The following CTTNBP2 variants were observed in gnomAD, a reference collection of about 807,000 sequenced individuals.
CTTNBP2 encodes the protein cortactin binding protein 2.
Under a neutral mutation model 156.9 loss-of-function variants are expected in CTTNBP2, and 108 were observed. The observed-to-expected ratio is 0.69, with a 90% CI of 0.59 to 0.81. The LOEUF (loss-of-function observed/expected upper bound fraction) is 0.81. CTTNBP2 is among the 30% of genes least tolerant of loss of function. The pLI is 0.00. For synonymous variants in CTTNBP2, 767 were observed against 751.8 expected, an observed-to-expected ratio of 1.02 and a Z score of -0.33; for missense variants, 1,924 against 2,035.4, an observed-to-expected ratio of 0.95 and a Z score of 1.05.
At chr7:117,819,906 A>G (rs1203163619) in intron 2 of CTTNBP2, among the ~76,000 whole-genome samples, 1 of 152,252 alleles carries the variant, frequency 6.6e-6, no homozygotes, top group African/African-American at 2.4e-5. Flanking sequence ...AAAATCTGGA[A>G]GGCATACTTC....
chr7:117,729,950 G>C (rs756995774), intron 16 of CTTNBP2, among the ~76,000 whole-genome samples: 1 of 152,158 alleles, frequency 6.6e-6, no homozygotes, highest in Non-Finnish European at 1.5e-5. Flanking sequence ...AGGAACTGTG[G>C]AGGAGCGGTC....
At chr7:117,841,415 TC>T (rs1802270830) in intron 2 of CTTNBP2, among the ~76,000 whole-genome samples, 1 of 151,276 alleles carries the variant, frequency 6.6e-6, no homozygotes, top group Non-Finnish European at 1.5e-5. Context: ...CTACTTTCTG[TC>T]TTTTTTTTTT....
intron 3 of CTTNBP2, among the ~76,000 whole-genome samples, chr7:117,798,479 T>C (rs1799441322): frequency 6.6e-6 from 1 of 152,128 alleles, no homozygotes; most frequent in East Asian, 1.9e-4. Flanking sequence ...TATTGCTAAA[T>C]AGTAAAGAGG....
At chr7:117,768,581 A>AAAGGAAG (rs1554419707) in intron 8 of CTTNBP2, among the ~76,000 whole-genome samples, 1 of 99,112 alleles carries the variant, frequency 1.0e-5, no homozygotes, top group Admixed American at 1.1e-4. Context: ...AAAAAAAAAA[A>AAAGGAAG]AAAGAAAGAA....
chr7:117,872,305 G>C (rs1021582394), intron 1 of CTTNBP2: 1 of 152,460 alleles, frequency 6.6e-6, no homozygotes, highest in Admixed American at 6.5e-5. Flanking sequence ...ATTCTGCTCA[G>C]GTCTTGATAG....
intron 2 of CTTNBP2, among the ~76,000 whole-genome samples, chr7:117,844,379 A>G (rs1802454389): frequency 1.3e-5 from 2 of 152,190 alleles, no homozygotes; most frequent in Non-Finnish European, 2.9e-5. Context: ...TGAAGCAGGA[A>G]GATTTAAGAT....
intron 4 of CTTNBP2, among the ~76,000 whole-genome samples, chr7:117,790,161 A>C (rs890802109): frequency 2.0e-5 from 3 of 152,234 alleles, no homozygotes; most frequent in Admixed American, 1.3e-4. Flanking sequence ...AGACTTCTTC[A>C]AAGTGTCAAC....
chr7:117,724,743 A>G lies in CTTNBP2; in HGVS notation c.4262-11T>C. 1 of 1,613,318 alleles carries G rather than the reference A, an allele frequency of 6.2e-7. No homozygotes were observed. The highest frequency in any genetic ancestry group is 1.1e-5 in the South Asian group (1 of 91,006). On this transcript the variant is annotated splice_polypyrimidine_tract_variant and intron_variant, in intron 18 of 22. Transcript: ENST00000160373. Reference sequence around the variant, plus strand: ...TATGCTGGTCTAGCTCTGAAACAACACAAATCACAGCAGGGATAATGCAGT... The same window carrying G: ...TATGCTGGTCTAGCTCTGAAACAACGCAAATCACAGCAGGGATAATGCAGT...
rs556055605 is a variant in CTTNBP2 at position 117,713,497 on chromosome 7, TCA to T, written c.4747-1717_4747-1716del. ...TCCCAGTGAATTTAGCAGGAAATCC[TCA>T]GTTATCTTTAGCAGCTGCCTTTCTC... On this transcript the variant is annotated intron_variant, in intron 22 of 22. Coordinates refer to ENST00000160373, the MANE Select transcript of CTTNBP2 (RefSeq NM_033427.3). Among the ~76,000 whole-genome samples, 1,375 of 152,312 alleles carry T rather than the reference TCA, an allele frequency of 9.0e-3. 6 individuals carry two copies. Among genetic ancestry groups the T allele is most frequent in the Middle Eastern group, 0.061 (18 of 294 alleles).
intron 2 of CTTNBP2, 51 bp downstream of exon 2, chr7:117,861,158 T>C: frequency 8.6e-7 from 1 of 1,159,848 alleles, no homozygotes; most frequent in Non-Finnish European, 1.3e-6. Context: ...AATGGCTCTT[T>C]GAAAAAAGCA....
chr7:117,728,083 A>G lies in CTTNBP2; in HGVS notation c.4055+6T>C. 2.5e-6 allele frequency: 4 copies of G among 1,610,262 alleles called. No homozygotes were observed. The highest frequency in any genetic ancestry group is 3.4e-6 in the Non-Finnish European group (4 of 1,178,292). ...AAGCAGAAAGATAAGGAAAAATGGCACTTACTTCACTGTCACTTGGGCATG... is the reference window on the plus strand; with the variant it reads ...AAGCAGAAAGATAAGGAAAAATGGCGCTTACTTCACTGTCACTTGGGCATG... On this transcript the variant is annotated splice_donor_region_variant and intron_variant, in intron 17 of 22. Coordinates refer to ENST00000160373, the MANE Select transcript of CTTNBP2 (RefSeq NM_033427.3).
intron 9 of CTTNBP2, among the ~76,000 whole-genome samples, chr7:117,762,508 C>G (rs1797265991): frequency 6.6e-6 from 1 of 152,204 alleles, no homozygotes; most frequent in Admixed American, 6.5e-5. Flanking sequence ...CTACCTTCAA[C>G]TGTATCCAGA....
intron 2 of CTTNBP2, among the ~76,000 whole-genome samples, chr7:117,836,054 A>G (rs1801914633): frequency 6.6e-6 from 1 of 152,184 alleles, no homozygotes; most frequent in Non-Finnish European, 1.5e-5. Context: ...AAGAAGAGGG[A>G]ATAGGATAAT....
chr7:117,808,471 C>G (rs1208296296), intron 3 of CTTNBP2, among the ~76,000 whole-genome samples: 4 of 152,150 alleles, frequency 2.6e-5, no homozygotes, highest in Non-Finnish European at 5.9e-5. Flanking sequence ...AATTACCAAA[C>G]AGTTAACCCG....
intron 22 of CTTNBP2, among the ~76,000 whole-genome samples, chr7:117,717,192 G>C (rs1794450874): frequency 6.6e-6 from 1 of 152,182 alleles, no homozygotes; most frequent in African/African-American, 2.4e-5. Context: ...TGTAGTCATG[G>C]AAGCTATTTC....
At chr7:117,752,695 T>C (rs754553321) in intron 12 of CTTNBP2, among the ~76,000 whole-genome samples, 3 of 152,196 alleles carry the variant, frequency 2.0e-5, no homozygotes, top group Non-Finnish European at 4.4e-5. Flanking sequence ...GCTTAATCAA[T>C]AGGCTAATAA....
intron 20 of CTTNBP2, among the ~76,000 whole-genome samples, chr7:117,720,015 C>T (rs1794693150): frequency 6.6e-6 from 1 of 152,170 alleles, no homozygotes; most frequent in African/African-American, 2.4e-5. Flanking sequence ...AGCAATATGA[C>T]CATGCACCAG....
At chr7:117,823,537 A>G (rs1801099736) in intron 2 of CTTNBP2, among the ~76,000 whole-genome samples, 1 of 152,218 alleles carries the variant, frequency 6.6e-6, no homozygotes, top group African/African-American at 2.4e-5. Flanking sequence ...AAATTGCTAA[A>G]GCAGGTCTCA....
intron 8 of CTTNBP2, among the ~76,000 whole-genome samples, chr7:117,772,738 A>T (rs184615258): frequency 3.6e-3 from 545 of 152,296 alleles, no homozygotes; most frequent in Non-Finnish European, 5.9e-3. Context: ...ATCCCTATAG[A>T]TTATATTCTG....
Sources: gnomAD v4.1 joint callset for allele counts (sites outside exome capture counted in the v4.1 genomes callset) on GRCh38, gnomAD v4.1.1 for gene constraint, MANE v1.5 for transcripts, NCBI Gene and HGNC (gene_info 2026-07-23, HGNC 2026-07-21) for gene names.